PLCB4: variants seen among roughly 807,000 people sequenced by gnomAD.
The protein encoded by PLCB4 is phospholipase C beta 4, also known as 1-phosphatidylinositol 4,5-bisphosphate phosphodiesterase beta-4.
In PLCB4, 77 loss-of-function variants were observed where a neutral mutation model predicts 178.8. The ratio of observed to expected loss-of-function variants is 0.43; its 90% confidence interval spans 0.36 to 0.52. The LOEUF (loss-of-function observed/expected upper bound fraction) is 0.52. Among genes scored for constraint, PLCB4 ranks in the 20% least tolerant of loss-of-function variants. The probability of loss-of-function intolerance (pLI) is 0.00; values close to 1 mark genes in which losing one functional copy is unlikely to be tolerated. For synonymous variants in PLCB4, 496 were observed against 490.8 expected (o/e 1.01, Z -0.14); for missense variants, 1,024 against 1,453.4 (o/e 0.70, Z 4.80).
chr20:9,396,074 G>A (rs1237362602), intron 19 of PLCB4, among the ~76,000 whole-genome samples: 1 of 152,032 alleles, frequency 6.6e-6, no homozygotes, highest in Non-Finnish European at 1.5e-5. Context: ...GGTATTCTTG[G>A]TATTTTGCCA....
intron 4 of PLCB4, among the ~76,000 whole-genome samples, chr20:9,309,417 G>A (rs923418282): frequency 2.0e-5 from 3 of 152,144 alleles, no homozygotes; most frequent in Non-Finnish European, 4.4e-5. Flanking sequence ...AATAAGAGGC[G>A]ATAACTTATT....
At chr20:9,449,038 A>C (rs976651) in intron 32 of PLCB4, among the ~76,000 whole-genome samples, 33,171 of 152,088 alleles carry the variant, frequency 0.22, 4,114 homozygotes, top group East Asian at 0.36. Context: ...GATCAACTGC[A>C]TTTGACCCTC....
chr20:9,225,041 G>A (rs1452439483), intron 3 of PLCB4, among the ~76,000 whole-genome samples: 1 of 152,054 alleles, frequency 6.6e-6, no homozygotes, highest in Non-Finnish European at 1.5e-5. Flanking sequence ...GCTGAGTTCT[G>A]CAACTTATTT....
chr20:9,386,821 C>T (rs2037707017), intron 14 of PLCB4, among the ~76,000 whole-genome samples: 1 of 114,938 alleles, frequency 8.7e-6, no homozygotes, highest in Admixed American at 1.0e-4. Flanking sequence ...CCCCCCACCC[C>T]ACAACAGTCC....
chr20:9,176,027 C>T (rs899339874), intron 2 of PLCB4, among the ~76,000 whole-genome samples: 2 of 152,126 alleles, frequency 1.3e-5, no homozygotes, highest in Non-Finnish European at 2.9e-5. Flanking sequence ...TTTCCCAACC[C>T]CTTGGCCCCA....
chr20:9,419,835 C>T lies in PLCB4; in HGVS notation c.2080C>T (p.Arg694Trp), dbSNP rs1485973570. The T allele has an allele frequency of 1.2e-6, 2 of 1,613,770 alleles. No individual in the cohort carries two copies. Among genetic ancestry groups the T allele is most frequent in the African/African-American group, 1.3e-5 (1 of 75,022 alleles). The change falls in exon 26 of 40, where the codon CGG becomes TGG. Residue 694 changes from arginine (R) to tryptophan (W), a missense_variant. Coordinates refer to ENST00000378473, the MANE Select transcript of PLCB4 (RefSeq NM_001377142.1). ...GYLLKPDFMR[R>W]PDRTFDPFSE... is the part of the protein sequence containing the mutation. ...CCTTCTCAAACCAGATTTCATGAGG[C>T]GGCCTGATCGAACATTTGACCCCTT...
intron 1 of PLCB4, among the ~76,000 whole-genome samples, chr20:9,090,738 G>A (rs2090644813): frequency 1.3e-5 from 2 of 151,934 alleles, no homozygotes; most frequent in African/African-American, 4.8e-5. Context: ...TTTCGGGGGT[G>A]GTGATTCTAT....
chr20:9,301,532 A>G (rs1033985048), intron 3 of PLCB4, among the ~76,000 whole-genome samples: 1 of 152,132 alleles, frequency 6.6e-6, no homozygotes, highest in African/African-American at 2.4e-5. Context: ...AGCAAGGAAG[A>G]CAAGACAGCA....
intron 3 of PLCB4, among the ~76,000 whole-genome samples, chr20:9,302,258 C>T (rs1361871421): frequency 6.6e-6 from 1 of 151,798 alleles, no homozygotes; most frequent in Non-Finnish European, 1.5e-5. Context: ...GCCAGTTCCT[C>T]CCCTCTTTTA....
intron 2 of PLCB4, among the ~76,000 whole-genome samples, chr20:9,215,309 T>G (rs964340813): frequency 6.6e-6 from 1 of 152,130 alleles, no homozygotes; most frequent in African/African-American, 2.4e-5. Context: ...AGATTGAAAA[T>G]CTGGTAAATG....
intron 4 of PLCB4, among the ~76,000 whole-genome samples, chr20:9,331,532 C>A (rs900985818): frequency 6.6e-6 from 1 of 152,122 alleles, no homozygotes; most frequent in East Asian, 1.9e-4. Flanking sequence ...TAGCTGTATC[C>A]CCATCCAAGG....
intron 4 of PLCB4, among the ~76,000 whole-genome samples, chr20:9,319,658 C>T (rs1396320212): frequency 6.6e-6 from 1 of 151,570 alleles, no homozygotes; most frequent in East Asian, 1.9e-4. Flanking sequence ...AGTTGAATGT[C>T]CCAGATCAAG....
At chr20:9,133,747 C>T (rs879761488) in intron 2 of PLCB4, among the ~76,000 whole-genome samples, 8 of 152,182 alleles carry the variant, frequency 5.3e-5, no homozygotes, top group Non-Finnish European at 1.0e-4. Flanking sequence ...GAGCTTTCCT[C>T]ACATTGGGTG....
chr20:9,084,316 T>A (rs1419145515), intron 1 of PLCB4, among the ~76,000 whole-genome samples: 1 of 152,210 alleles, frequency 6.6e-6, no homozygotes, highest in Non-Finnish European at 1.5e-5. Context: ...AATTAGGAAC[T>A]TGAATCATTG....
Position 9,447,668 on chromosome 20 carries a change from C to A in PLCB4, c.2880+3425C>A, listed in dbSNP as rs561925942. On this transcript the variant is annotated intron_variant, in intron 32 of 39. Coordinates refer to ENST00000378473, the MANE Select transcript of PLCB4 (RefSeq NM_001377142.1). The stretch of plus-strand genomic sequence containing the variant: ...AACTGTGGCCATTTTTATAGCCTAC[C>A]GGCTATTCAACAGATTAGCTTATTA... Among the ~76,000 whole-genome samples the A allele has an allele frequency of 9.9e-5, 15 of 152,268 alleles. No individual in the cohort carries two copies. In the South Asian group the frequency reaches 3.1e-3, roughly 32 times the overall value.
intron 35 of PLCB4, among the ~76,000 whole-genome samples, chr20:9,461,600 A>T (rs566023695): frequency 6.6e-6 from 1 of 152,326 alleles, no homozygotes; most frequent in African/African-American, 2.4e-5. Context: ...AGACAAGGCG[A>T]TTCTCTCCTG....
chr20:9,314,872 A>C (rs73093894), intron 4 of PLCB4, among the ~76,000 whole-genome samples: 2 of 141,244 alleles, frequency 1.4e-5, no homozygotes, highest in African/African-American at 5.2e-5. Context: ...GGGTAGAGGA[A>C]TTTTTTTTTT....
At chr20:9,365,336 A>G (rs1230515572) in intron 8 of PLCB4, 125 bp from the exon 9 acceptor site, 2 of 641,798 alleles carry the variant, frequency 3.1e-6, no homozygotes, top group Admixed American at 2.7e-5. Flanking sequence ...CTTATAGCAC[A>G]TAATTGTCTG....
At chr20:9,442,324 A>G (rs2042157191) in intron 30 of PLCB4, among the ~76,000 whole-genome samples, 3 of 152,068 alleles carry the variant, frequency 2.0e-5, no homozygotes, top group Admixed American at 6.6e-5. Context: ...GCAAAGCTCT[A>G]TGAGGAAGGC....
Sources: allele counts gnomAD v4.1 joint callset (sites outside exome capture counted in the v4.1 genomes callset), GRCh38; gene constraint gnomAD v4.1.1; transcripts MANE v1.5; gene names NCBI Gene and HGNC (gene_info 2026-07-23, HGNC 2026-07-21).